Variants in SLC75A1 observed in about 807,000 individuals in gnomAD.
SLC75A1 encodes major facilitator superfamily domain containing 10.
chr4:2,931,104 T>TAGGCTGCGCAGTGTACCC, the SLC75A1 span: 1 of 1,591,152 alleles, frequency 6.3e-7, no homozygotes, highest in Non-Finnish European at 8.6e-7. Flanking sequence ...CCAGAGCACC[T>TAGGCTGCGCAGTGTACCC]AGGCTGCGCA....
the SLC75A1 span, chr4:2,930,991 G>C: frequency 6.2e-7 from 1 of 1,612,572 alleles, no homozygotes; most frequent in Non-Finnish European, 8.5e-7. Flanking sequence ...TCCCCGAGGG[G>C]GCTGGCACTT....
At chr4:2,931,953 C>A in the SLC75A1 span, 7 of 1,603,634 alleles carry the variant, frequency 4.4e-6, no homozygotes, top group African/African-American at 2.7e-5. Context: ...AGAGGTGGCG[C>A]GTGCTGAGAA....
the SLC75A1 span, chr4:2,931,863 C>G: frequency 6.2e-7 from 1 of 1,610,014 alleles, no homozygotes; most frequent in Non-Finnish European, 8.5e-7. Context: ...GGAAGCTCAG[C>G]GTGTACTCCA....
chr4:2,933,915 C>G, the SLC75A1 span: 1 of 1,564,092 alleles, frequency 6.4e-7, no homozygotes, highest in South Asian at 1.2e-5. Context: ...CACCCCCTCC[C>G]CATCCCATGG....
chr4:2,930,950 T>C, the SLC75A1 span: 8 of 1,612,980 alleles, frequency 5.0e-6, no homozygotes, highest in Non-Finnish European at 6.8e-6. Context: ...GGCCAGCCAG[T>C]ACACTGCGGA....
the SLC75A1 span, chr4:2,931,476 G>A: frequency 1.1e-5 from 18 of 1,578,992 alleles, no homozygotes; most frequent in Non-Finnish European, 1.5e-5. Flanking sequence ...CTGCAGGTGG[G>A]CACGGCAGCC....
chr4:2,932,883 C>T, the SLC75A1 span: 1 of 1,284,950 alleles, frequency 7.8e-7, no homozygotes, highest in Non-Finnish European at 1.0e-6. Flanking sequence ...CTGAGGGCCA[C>T]TTGCGTTCTC....
At chr4:2,932,747 G>A in the SLC75A1 span, 2 of 1,566,458 alleles carry the variant, frequency 1.3e-6, no homozygotes, top group African/African-American at 2.7e-5. Context: ...CATATGAGGT[G>A]GCCACACCCA....
the SLC75A1 span, chr4:2,933,338 G>T: frequency 6.9e-6 from 7 of 1,018,500 alleles, no homozygotes; most frequent in African/African-American, 8.0e-5. Flanking sequence ...ACAGGCCATG[G>T]CCCTTGAGCC....
the SLC75A1 span, chr4:2,934,005 C>T: frequency 1.4e-6 from 2 of 1,419,692 alleles, no homozygotes; most frequent in African/African-American, 1.4e-5. Context: ...GCCTGGCATA[C>T]CCCCACACCC....
chr4:2,934,194 A>C, the SLC75A1 span: 1 of 500,134 alleles, frequency 2.0e-6, no homozygotes. Flanking sequence ...GGGTGAGCAC[A>C]TCGCGGACCT....
chr4:2,931,086 G>T, the SLC75A1 span: 3 of 1,597,892 alleles, frequency 1.9e-6, no homozygotes, highest in African/African-American at 4.0e-5. Context: ...GGGGCCCCGC[G>T]GCCCTGGCCA....
chr4:2,931,085 C>T, the SLC75A1 span: 49 of 1,597,562 alleles, frequency 3.1e-5, no homozygotes, highest in Admixed American at 8.7e-5. Flanking sequence ...AGGGGCCCCG[C>T]GGCCCTGGCC....
chr4:2,930,976 C>G, the SLC75A1 span: 1 of 1,612,862 alleles, frequency 6.2e-7, no homozygotes, highest in Non-Finnish European at 8.5e-7. Flanking sequence ...GGTGGCGTCA[C>G]CCAGTCCCCG....
the SLC75A1 span, chr4:2,933,532 T>G: frequency 6.2e-7 from 1 of 1,607,480 alleles, no homozygotes; most frequent in Non-Finnish European, 8.5e-7. Flanking sequence ...CATAGGACCG[T>G]AGAGAGCCCG....
chr4:2,932,443 C>G, the SLC75A1 span: 1 of 1,613,766 alleles, frequency 6.2e-7, no homozygotes, highest in African/African-American at 1.3e-5. Context: ...GGTGCCATTT[C>G]CAGGGGCAGG....
the SLC75A1 span, chr4:2,930,885 G>A: frequency 1.9e-6 from 3 of 1,612,996 alleles, no homozygotes; most frequent in African/African-American, 2.7e-5. Context: ...TTCTGCAGGA[G>A]GAAGAAGGGG....
At chr4:2,933,940 C>A in the SLC75A1 span, 1 of 1,552,682 alleles carries the variant, frequency 6.4e-7, no homozygotes, top group African/African-American at 1.4e-5. Flanking sequence ...CTGCTCTGAC[C>A]TGGCCTGGGT....
the SLC75A1 span, chr4:2,932,791 G>C: frequency 6.5e-7 from 1 of 1,532,312 alleles, no homozygotes. Flanking sequence ...AGGCAGGGGC[G>C]GTCGCTTAAG....
Sources: allele counts gnomAD v4.1 joint callset, GRCh38; gene constraint gnomAD v4.1.1; transcripts MANE v1.5; gene names NCBI Gene and HGNC (gene_info 2026-07-23, HGNC 2026-07-21).